SHBG: variants seen among roughly 807,000 people sequenced by gnomAD.
SHBG encodes sex hormone-binding globulin.
In SHBG, 37 loss-of-function variants were observed where a neutral mutation model predicts 41.9. The ratio of observed to expected loss-of-function variants is 0.88; its 90% CI spans 0.68 to 1.16. The LOEUF (loss-of-function observed/expected upper bound fraction) is 1.16, where lower values mean the gene tolerates loss of function less well. Among genes scored for constraint, SHBG ranks in the 50% most tolerant of loss-of-function variants. The probability of loss-of-function intolerance (pLI) is 0.00; values close to 1 mark genes in which losing one functional copy is unlikely to be tolerated. For missense variants in SHBG, 466 were observed against 499.9 expected, an observed-to-expected ratio of 0.93 and a Z score of 0.65; for synonymous variants, 217 against 205.8, an observed-to-expected ratio of 1.05 and a Z score of -0.47.
chr17:7,631,254 G>A lies in SHBG; in HGVS notation c.448G>A (p.Val150Met), dbSNP rs985660484. 1.9e-6 allele frequency: 3 copies of A among 1,608,088 alleles called. No homozygotes were observed. Among genetic ancestry groups the A allele is most frequent in the Non-Finnish European group, 2.5e-6 (3 of 1,177,442 alleles). Residue 150 changes from valine (V) to methionine (M), a missense_variant, in exon 4 of 8, where the codon GTG (valine) becomes ATG (methionine). By Grantham distance (21) the Val-to-Met change is conservative (BLOSUM62 1). Transcript: ENST00000380450. The stretch of plus-strand genomic sequence containing the variant: ...GCTGCTGGAGGTGGATGGGGAGGAG[G>A]TGCTGCGCCTGAGACAGGTCTCTGG... ...SVLLEVDGEE[V>M]LRLRQVSGPL... is the part of the protein sequence containing the mutation.
upstream of SHBG, among the ~76,000 whole-genome samples, chr17:7,628,344 GCCTCCA>G (rs1321137977): frequency 2.0e-5 from 3 of 151,254 alleles, no homozygotes; most frequent in East Asian, 5.9e-4. Context: ...GCTCACTGCA[GCCTCCA>G]CCTCCCGAGT....
At chr17:7,629,847 G>A (rs973887742), upstream of SHBG, among the ~76,000 whole-genome samples, 3 of 152,124 alleles carry the variant, frequency 2.0e-5, no homozygotes, top group African/African-American at 4.8e-5. Flanking sequence ...CAGGCTCCCC[G>A]AGTGGACAGA....
rs781441649 is a variant in SHBG, at chr17:7,631,589, C to G, written c.556C>G (p.Leu186Val). 1 of 1,614,098 alleles carries G rather than the reference C, an allele frequency of 6.2e-7. No homozygotes were observed. The highest frequency in any genetic ancestry group is 1.7e-5 in the Admixed American group (1 of 60,028). Residue 186 changes from leucine to valine, a missense_variant and splice_region_variant, in exon 5 of 8, where the codon CTG becomes GTG. Leu to Val is a conservative substitution (Grantham distance 32). Coordinates refer to ENST00000380450, the MANE Select transcript of SHBG (RefSeq NM_001040.5). ...GTATCTTATCTCTGTCACACTCCAG[C>G]TGGTTCCTGCCCTGGATGGCTGCCT... ...LFPASNLRLP[L>V]VPALDGCLRR... is the part of the protein sequence containing the mutation.
chr17:7,623,394 C>T (rs1230857182), upstream of SHBG, among the ~76,000 whole-genome samples: 2 of 152,120 alleles, frequency 1.3e-5, no homozygotes, highest in Admixed American at 1.3e-4. Flanking sequence ...CCATCTCAAA[C>T]AAACAAACAA....
intron 1 of SHBG, among the ~76,000 whole-genome samples, chr17:7,622,841 AAC>A (rs1171051894): frequency 2.0e-5 from 3 of 147,852 alleles, no homozygotes; most frequent in Non-Finnish European, 4.5e-5. Context: ...CATCCTGACT[AAC>A]ACAGTGAAAC....
intron 1 of SHBG, chr17:7,614,326 G>C: frequency 2.7e-6 from 2 of 747,032 alleles, no homozygotes; most frequent in Non-Finnish European, 4.4e-6. Flanking sequence ...CTGCGGGTTG[G>C]AGCAAGGGTC....
At position 7,620,906 on chromosome 17, in the gene SHBG, C is replaced by T. The variant is rs575441697; in HGVS notation, c.-62+6795C>T. 7.9e-5 allele frequency among the ~76,000 whole-genome samples: 12 copies of T among 151,976 alleles called. No homozygotes were observed. The South Asian group carries it at 1.5e-3, about 18-fold the overall frequency. On this transcript the variant is annotated intron_variant, in intron 1 of 5. Transcript: ENST00000570547. The stretch of plus-strand genomic sequence containing the variant: ...TCGGCCTCCCAGAGTGCTAGAATTA[C>T]GGGCATGTGCCACCGTGCCCAGACA...
At chr17:7,620,626 A>AT (rs57679468) in intron 1 of SHBG, among the ~76,000 whole-genome samples, 4,781 of 144,360 alleles carry the variant, frequency 0.033, 217 homozygotes, top group East Asian at 0.23. Flanking sequence ...CAGATTAATA[A>AT]TTTTTTTTTT....
intron 1 of SHBG, among the ~76,000 whole-genome samples, chr17:7,621,986 G>A (rs1211056952): frequency 6.0e-5 from 9 of 149,964 alleles, no homozygotes; most frequent in Admixed American, 1.3e-4. Context: ...ACAGGCATGC[G>A]CCACCATGCC....
chr17:7,629,585 T>TG (rs1225135727), upstream of SHBG, among the ~76,000 whole-genome samples: 1 of 151,960 alleles, frequency 6.6e-6, no homozygotes, highest in Non-Finnish European at 1.5e-5. Context: ...GGGAAAAGAC[T>TG]GGGGGAGGAG....
rs767693248 is a variant in SHBG, at chr17:7,631,716, C to A, written c.683C>A (p.Pro228His). ...GAATCAAATCCCGGGATATTTCTCC[C>A]TCCAGGGACTCAGGCAGAATTCAAT... Reference protein sequence around the residue: ...DVESNPGIFLPPGTQAEFNLR... With the variant: ...DVESNPGIFLHPGTQAEFNLR... The change falls in exon 5 of 8, where the codon CCT (proline) becomes CAT (histidine). Residue 228 changes from proline to histidine, a missense_variant. Coordinates refer to ENST00000380450, the MANE Select transcript of SHBG (RefSeq NM_001040.5). The A allele has an allele frequency of 6.2e-7, 1 of 1,614,144 alleles. No homozygotes were observed. Among genetic ancestry groups the A allele is most frequent in the Non-Finnish European group, 8.5e-7 (1 of 1,180,022 alleles).
upstream of SHBG, chr17:7,628,131 A>G (rs2150964267): frequency 2.2e-6 from 1 of 460,218 alleles, no homozygotes; most frequent in African/African-American, 2.0e-5. Flanking sequence ...CCTCAGGCTC[A>G]CTCACCCGCC....
At chr17:7,617,139 AT>A (rs2072008256) in intron 1 of SHBG, among the ~76,000 whole-genome samples, 1 of 151,884 alleles carries the variant, frequency 6.6e-6, no homozygotes, top group South Asian at 2.1e-4. Flanking sequence ...AAGGTGATGA[AT>A]TTACTTTTAT....
At chr17:7,631,556 A>G (rs759170256) in intron 4 of SHBG, 33 bp from the exon 5 acceptor site, 12 of 1,612,970 alleles carry the variant, frequency 7.4e-6, no homozygotes, top group African/African-American at 1.3e-5. Context: ...CCTGATTTCT[A>G]CATCCCCGTA....
intron 1 of SHBG, among the ~76,000 whole-genome samples, chr17:7,615,616 C>T (rs1273256877): frequency 2.0e-5 from 3 of 146,806 alleles, no homozygotes; most frequent in South Asian, 2.2e-4. Context: ...GTCAGGGGTT[C>T]GAGACCAGCG....
At chr17:7,620,212 C>T (rs901766320) in intron 1 of SHBG, among the ~76,000 whole-genome samples, 1 of 152,080 alleles carries the variant, frequency 6.6e-6, no homozygotes, top group African/African-American at 2.4e-5. Context: ...CACCTGTAAT[C>T]CTCCCTCCTT....
intron 1 of SHBG, among the ~76,000 whole-genome samples, chr17:7,620,056 A>T (rs1244569891): frequency 6.6e-6 from 1 of 150,508 alleles, no homozygotes; most frequent in Non-Finnish European, 1.5e-5. Flanking sequence ...GTGCCACTGT[A>T]CTCCAGTCTA....
Position 7,630,266 on chromosome 17 carries a change from C to T in SHBG, c.94C>T (p.Pro32Ser). ...RHTRQGWALR[P>S]VLPTQSAHDP... ...CACCCGCCAGGGATGGGCCCTGAGA[C>T]CTGTTCTCCCCACCCAGGTGCAGGA... Residue 32 changes from proline to serine, a missense_variant, in exon 1 of 8, where the codon CCT becomes TCT. By Grantham distance (74) the Pro-to-Ser change is moderately conservative. Coordinates refer to ENST00000380450, the MANE Select transcript of SHBG (RefSeq NM_001040.5). The surrounding 1 kb of genome is among the most constrained non-coding windows in gnomAD (Gnocchi z 4.6). The T allele has an allele frequency of 6.2e-7, 1 of 1,608,250 alleles. No individual in the cohort carries two copies. Among genetic ancestry groups the T allele is most frequent in the Non-Finnish European group, 8.5e-7 (1 of 1,177,224 alleles).
At chr17:7,632,659 C>T (rs773254904) in intron 6 of SHBG, 93 bp from the exon 7 acceptor site, 399 of 974,594 alleles carry the variant, frequency 4.1e-4, no homozygotes, top group Non-Finnish European at 6.2e-4. Flanking sequence ...AGCGAAGAGG[C>T]AGAATTAAGG....
Sources: allele counts gnomAD v4.1 joint callset (sites outside exome capture counted in the v4.1 genomes callset), GRCh38; gene constraint gnomAD v4.1.1; non-coding constraint Gnocchi (gnomAD v3.1); transcripts MANE v1.5; gene names NCBI Gene and HGNC (gene_info 2026-07-23, HGNC 2026-07-21).